The following AIRE variants were observed in gnomAD, a reference collection of about 807,000 sequenced individuals.
AIRE encodes autoimmune regulator, also known as autoimmune polyendocrinopathy candidiasis ectodermal dystrophy protein.
A neutral mutation model predicts 62.1 loss-of-function variants in AIRE; 52 were observed. That is an observed-to-expected ratio of 0.84 (90% CI 0.67 to 1.06). AIRE has a LOEUF of 1.06. AIRE is among the 50% of genes least tolerant of loss of function. The pLI, the probability that AIRE is intolerant of heterozygous loss-of-function variation, is 0.00. For synonymous variants in AIRE, 342 were observed against 321.6 expected (o/e 1.06, Z -0.68); for missense variants, 774 against 755.8 (o/e 1.02, Z -0.28).
chr21:44,291,391 G>A (rs931103650), intron 8 of AIRE, among the ~76,000 whole-genome samples, 181 bp downstream of exon 8: 6 of 152,150 alleles, frequency 3.9e-5, no homozygotes, highest in South Asian at 2.1e-4. Flanking sequence ...CCTGCCTCCC[G>A]GTCTGGCCAC....
At chr21:44,296,825 GT>G (rs2040614404) in intron 13 of AIRE, among the ~76,000 whole-genome samples, 1 of 141,816 alleles carries the variant, frequency 7.1e-6, no homozygotes, top group Admixed American at 7.2e-5. Flanking sequence ...GGGCGTGGGA[GT>G]GGGGGGGGGG....
In AIRE at chr21:44,295,869, C is replaced by A. The variant is rs535513935; in HGVS notation, c.1504-514C>A. On this transcript the variant is annotated intron_variant, in intron 12 of 13. Coordinates refer to ENST00000291582, the MANE Select transcript of AIRE (RefSeq NM_000383.4). ...CGGGCCTCGCAGCGCCAGTGTTCAC[C>A]CGAGTGGAGGAGCTGGGATGTGGCT... 8.7e-5 allele frequency among the ~76,000 whole-genome samples: 13 copies of A among 149,694 alleles called. No homozygotes were observed. The South Asian group carries it at 2.5e-3, about 29-fold the overall frequency.
At position 44,286,793 on chromosome 21, in the gene AIRE, C is replaced by T. The variant is rs2040486790; in HGVS notation, c.307+62C>T. The T allele has an allele frequency of 2.5e-6, 4 of 1,594,200 alleles. No homozygotes were observed. The Admixed American group carries it at 5.0e-5, about 20-fold the overall frequency. The stretch of plus-strand genomic sequence containing the variant: ...GGGCAGCTGCTGTCACCTGCTCAGC[C>T]CAGCTGGACTGGAACCGGAGTGGTG... On this transcript the variant is annotated intron_variant, in intron 2 of 13. Transcript: ENST00000291582. The surrounding 1 kb of genome is among the most constrained non-coding windows in gnomAD (Gnocchi z 6.0).
chr21:44,291,008 TGGGGG>T (rs1241039345), intron 7 of AIRE, 82 bp from the exon 8 acceptor site: 1 of 1,613,368 alleles, frequency 6.2e-7, no homozygotes, highest in East Asian at 2.2e-5. Context: ...GAGATGCTGC[TGGGGG>T]AGCTGTTTTG....
chr21:44,297,564 G>C lies in AIRE; in HGVS notation c.1567-92G>C. ...TTCCCCACCTTTGACTTAGAGGGAA[G>C]GTTGGATGGTGACTTCTTGTAACGA... On this transcript the variant is annotated intron_variant, in intron 13 of 13. Coordinates refer to ENST00000291582, the MANE Select transcript of AIRE (RefSeq NM_000383.4). The surrounding 1 kb of genome is among the most constrained non-coding windows in gnomAD (Gnocchi z 4.8). The C allele has an allele frequency of 8.1e-7, 1 of 1,229,246 alleles. No homozygotes were observed. The highest frequency in any genetic ancestry group is 1.2e-6 in the Non-Finnish European group (1 of 844,630). The allele number at this position is 1,229,246 out of a possible 1,614,324, so 76.1% of individuals were successfully genotyped here.
In AIRE at chr21:44,285,960, C is replaced by T. The variant is rs1183393068; in HGVS notation, c.-47C>T. 5.3e-6 allele frequency: 8 copies of T among 1,513,320 alleles called. No individual in the cohort carries two copies. Among genetic ancestry groups the T allele is most frequent in the Non-Finnish European group, 7.0e-6 (8 of 1,134,830 alleles). The allele number at this position is 1,513,320 out of a possible 1,614,324, so 93.7% of individuals were successfully genotyped here. On this transcript the variant is annotated 5_prime_UTR_variant, in exon 1 of 14. Coordinates refer to ENST00000291582, the MANE Select transcript of AIRE (RefSeq NM_000383.4). ...GCCAAGCGAGGGGCTGCCAGTGTCC[C>T]GGGACCCACCGCGTCCGCCCCAGCC... is the stretch of plus-strand genomic sequence containing the variant.
intron 11 of AIRE, among the ~76,000 whole-genome samples, chr21:44,294,164 C>T (rs1479664858): frequency 7.2e-6 from 1 of 138,736 alleles, no homozygotes; most frequent in Admixed American, 7.0e-5. Flanking sequence ...TCCACAGCCA[C>T]ACCCCACCCC....
At position 44,294,434 on chromosome 21, in the gene AIRE, C is replaced by T. The variant is rs575870442; in HGVS notation, c.1434C>T (p.Asp478=). ...TGLRCRSCSG[D]VTPAPVEGVL... ...TGCGCTGCAGATCCTGCTCAGGAGA[C>T]GTGACCCCAGCCCCTGTGGAGGGGG... The change falls in exon 12 of 14, where the codon GAC becomes GAT. Residue 478 remains aspartate (D), a synonymous_variant. Transcript: ENST00000291582. 56 of 1,579,674 alleles carry T rather than the reference C, an allele frequency of 3.5e-5. No individual in the cohort carries two copies. Among genetic ancestry groups the T allele is most frequent in the South Asian group, 2.6e-4 (23 of 87,450 alleles).
chr21:44,288,559 C>T lies in AIRE; in HGVS notation c.652+101C>T, dbSNP rs558470210. On this transcript the variant is annotated intron_variant, in intron 5 of 13. Coordinates refer to ENST00000291582, the MANE Select transcript of AIRE (RefSeq NM_000383.4). ...GCATCCTGGTGGTCCCACAGCAGAC[C>T]GGACTGTTGCTCAGGTAGCCAGAGT... is the stretch of plus-strand genomic sequence containing the variant. 120 of 839,680 alleles carry T rather than the reference C, an allele frequency of 1.4e-4. 1 individual carries two copies. The highest frequency in any genetic ancestry group is 1.2e-3 in the South Asian group (75 of 61,620). 52.0% of individuals were successfully genotyped at this position (839,680 alleles called of 1,614,324 possible). A position where few individuals can be genotyped will look rare whatever the true frequency, so the allele number is the denominator to read the frequency against.
chr21:44,287,526 T>G lies in AIRE; in HGVS notation c.473T>G (p.Leu158Arg). The G allele has an allele frequency of 1.3e-6, 2 of 1,555,130 alleles. No homozygotes were observed. The highest frequency in any genetic ancestry group is 1.4e-5 in the African/African-American group (1 of 73,428). ...CAGCTCCCCCATTCAGGCTCTCAACTGAAGGCCAAGCCCCCCAAGAAGCCG... is the reference window on the plus strand; with the variant it reads ...CAGCTCCCCCATTCAGGCTCTCAACGGAAGGCCAAGCCCCCCAAGAAGCCG... Reference protein sequence around the residue: ...PRGTASPGSQLKAKPPKKPES... With the variant: ...PRGTASPGSQRKAKPPKKPES... Residue 158 changes from leucine (L) to arginine (R), a missense_variant, in exon 4 of 14, where the codon CTG becomes CGG. Leu to Arg is a moderately radical substitution (Grantham distance 102). Coordinates refer to ENST00000291582, the MANE Select transcript of AIRE (RefSeq NM_000383.4). This position sits in a 1 kb window ranked among gnomAD's most constrained non-coding sequence, Gnocchi z 4.3.
At chr21:44,290,868 T>C in intron 7 of AIRE, 3 of 1,604,194 alleles carry the variant, frequency 1.9e-6, no homozygotes, top group Non-Finnish European at 2.6e-6. Flanking sequence ...AACCGGGTTT[T>C]CTTCCCAATA....
At chr21:44,290,832 C>A in intron 7 of AIRE, 1 of 1,571,552 alleles carries the variant, frequency 6.4e-7, no homozygotes, top group South Asian at 1.1e-5. Flanking sequence ...AGTTCCGGGG[C>A]CCCTGGAACG....
intron 7 of AIRE, 173 bp from the exon 8 acceptor site, chr21:44,290,922 G>A (rs758103414): frequency 1.2e-6 from 2 of 1,611,578 alleles, no homozygotes; most frequent in South Asian, 2.2e-5. Context: ...GATGGATGGG[G>A]AACAGGTGGT....
chr21:44,290,215 G>T (rs1046402603), intron 7 of AIRE, 147 bp downstream of exon 7: 2 of 1,491,736 alleles, frequency 1.3e-6, no homozygotes. Flanking sequence ...TTCTTTAATA[G>T]ACAGTATTTT....
chr21:44,288,559 C>A, intron 5 of AIRE, 101 bp downstream of exon 5: 3 of 839,680 alleles, frequency 3.6e-6, no homozygotes, highest in South Asian at 3.2e-5. Flanking sequence ...CACAGCAGAC[C>A]GGACTGTTGC....
chr21:44,293,896 C>T lies in AIRE; in HGVS notation c.1386C>T (p.Gly462=). ...ACTGGCGCTGCCACTTCCCAGCCGG[C>T]ACCTCCCGGCCCGGGTGAGTGAGCG... ...AFHWRCHFPA[G]TSRPGTGLRC... Residue 462 remains glycine, a synonymous_variant, in exon 11 of 14, where the codon GGC becomes GGT. Coordinates refer to ENST00000291582, the MANE Select transcript of AIRE (RefSeq NM_000383.4). The T allele has an allele frequency of 4.4e-6, 7 of 1,596,740 alleles. No homozygotes were observed. The highest frequency in any genetic ancestry group is 1.3e-5 in the African/African-American group (1 of 74,906).
Position 44,285,909 on chromosome 21 carries a change from GC to G in AIRE, c.-94del. 1.6e-6 allele frequency: 2 copies of G among 1,222,210 alleles called. No homozygotes were observed. Among genetic ancestry groups the G allele is most frequent in the Non-Finnish European group, 2.2e-6 (2 of 925,000 alleles). The allele number at this position is 1,222,210 out of a possible 1,614,324, so 75.7% of individuals were successfully genotyped here. On this transcript the variant is annotated 5_prime_UTR_variant, in exon 1 of 14. Coordinates refer to ENST00000291582, the MANE Select transcript of AIRE (RefSeq NM_000383.4). ...GGGCGGGCGCACAGCCGGCGCGGAG[GC>G]CCCACAGCCCCGCCGGGACCCGAGG...
At chr21:44,293,933 G>A in intron 11 of AIRE, 23 bp downstream of exon 11, 1 of 1,595,358 alleles carries the variant, frequency 6.3e-7, no homozygotes, top group South Asian at 1.1e-5. Flanking sequence ...GGTCGGCGGG[G>A]AGGCCTGAAC....
Position 44,286,103 on chromosome 21 carries a change from G to T in AIRE, c.97G>T (p.Ala33Ser). ...CGCCTTCCCACTGCTGCACGCGCTG[G>T]CTGACCACGACGTGGTCCCCGAGGA... is the stretch of plus-strand genomic sequence containing the variant. Reference protein sequence around the residue: ...DSAFPLLHALADHDVVPEDKF... With the variant: ...DSAFPLLHALSDHDVVPEDKF... Residue 33 changes from alanine to serine, a missense_variant, in exon 1 of 14, where the codon GCT becomes TCT. Ala to Ser is a moderately conservative substitution (Grantham distance 99). Coordinates refer to ENST00000291582, the MANE Select transcript of AIRE (RefSeq NM_000383.4). The surrounding 1 kb of genome is among the most constrained non-coding windows in gnomAD (Gnocchi z 6.0). 1 of 1,546,838 alleles carries T rather than the reference G, an allele frequency of 6.5e-7. No homozygotes were observed. Among genetic ancestry groups the T allele is most frequent in the South Asian group, 1.2e-5 (1 of 84,026 alleles).
Sources: gnomAD v4.1 joint callset for allele counts (sites outside exome capture counted in the v4.1 genomes callset) on GRCh38, gnomAD v4.1.1 for gene constraint, Gnocchi (gnomAD v3.1) non-coding constraint, MANE v1.5 for transcripts, NCBI Gene and HGNC (gene_info 2026-07-23, HGNC 2026-07-21) for gene names.